FOXP2: variants seen among roughly 807,000 people sequenced by gnomAD.
The protein encoded by FOXP2 is forkhead box protein P2.
Under a neutral mutation model 115.8 loss-of-function variants are expected in FOXP2, and 12 were observed. The ratio of observed to expected loss-of-function variants is 0.10; its 90% CI spans 0.07 to 0.17. The LOEUF is 0.17. Ranked by LOEUF, FOXP2 falls within the 10% of genes least tolerant of loss-of-function variation. The pLI, the probability that FOXP2 is intolerant of heterozygous loss-of-function variation, is 1.00. For missense variants in FOXP2, 629 were observed against 843.5 expected (o/e 0.75, Z 3.15); for synonymous variants, 328 against 297.7 (o/e 1.10, Z -1.05).
Position 114,176,298 on chromosome 7 carries a change from T to TTCTTTCTTTCTTTCTTTCTCTC in FOXP2, c.-102+13213_-102+13214insTTCTTTCTTTCTTTCTCTCTCT, listed in dbSNP as rs368923204. Among the ~76,000 whole-genome samples the TTCTTTCTTTCTTTCTTTCTCTC allele has an allele frequency of 7.1e-4, 54 of 76,572 alleles. 1 individual carries two copies. Among genetic ancestry groups the TTCTTTCTTTCTTTCTTTCTCTC allele is most frequent in the African/African-American group, 2.7e-3 (50 of 18,510 alleles). 50.2% of individuals were successfully genotyped at this position (76,572 alleles called of 152,430 possible). On this transcript the variant is annotated intron_variant, in intron 1 of 17. Transcript: ENST00000634411. ...TTTCTTTCTTTCTTTCTTTCTTTCTTTCTCTCTCTCTCTCTCTCTCTCTTT... is the reference window on the plus strand; with the variant it reads ...TTTCTTTCTTTCTTTCTTTCTTTCTTTCTTTCTTTCTTTCTTTCTCTCTCTCTCTCTCTCTCTCTCTCTCTTT...
At chr7:114,156,343 C>T (rs1479026313) in intron 1 of FOXP2, among the ~76,000 whole-genome samples, 1 of 152,116 alleles carries the variant, frequency 6.6e-6, no homozygotes, top group African/African-American at 2.4e-5. Flanking sequence ...TGACTAGCTA[C>T]CCACTGTAAC....
At chr7:114,560,212 A>C (rs1800695675) in intron 3 of FOXP2, among the ~76,000 whole-genome samples, 1 of 152,174 alleles carries the variant, frequency 6.6e-6, no homozygotes, top group South Asian at 2.1e-4. Flanking sequence ...TTTAACCCCA[A>C]GTTTTATTTT....
At chr7:114,174,524 TTTC>T (rs1346740958) in intron 1 of FOXP2, among the ~76,000 whole-genome samples, 1 of 152,056 alleles carries the variant, frequency 6.6e-6, no homozygotes, top group Non-Finnish European at 1.5e-5. Flanking sequence ...AAATAGCTTT[TTTC>T]TTCTTCTTCA....
rs77827060 is a variant in FOXP2, at chr7:114,344,511, G to C, written c.-11+56402G>C. ...GTATTAGGGCACTGTGGACTATTTC[G>C]GTTAATCAGTGTTTCAAATGTAATC... On this transcript the variant is annotated intron_variant, in intron 2 of 17. Coordinates refer to the FOXP2 transcript ENST00000634411. Among the ~76,000 whole-genome samples, 1,234 of 151,804 alleles carry C rather than the reference G, an allele frequency of 8.1e-3. 13 individuals carry two copies. Among genetic ancestry groups the C allele is most frequent in the African/African-American group, 0.028 (1,173 of 41,458 alleles).
intron 3 of FOXP2, among the ~76,000 whole-genome samples, chr7:114,583,302 C>T (rs1011950456): frequency 6.6e-6 from 1 of 152,074 alleles, no homozygotes; most frequent in African/African-American, 2.4e-5. Flanking sequence ...TCCCTTTAAC[C>T]CGGAGGTGGG....
At chr7:114,582,772 TA>T (rs1446230932) in intron 3 of FOXP2, among the ~76,000 whole-genome samples, 1 of 152,168 alleles carries the variant, frequency 6.6e-6, no homozygotes, top group African/African-American at 2.4e-5. Context: ...ACAGATCATG[TA>T]ACAGGAGAGA....
chr7:114,132,959 G>C (rs1444664940), intron 1 of FOXP2, among the ~76,000 whole-genome samples: 2 of 152,172 alleles, frequency 1.3e-5, no homozygotes, highest in Non-Finnish European at 2.9e-5. Context: ...TCTGGCTGTT[G>C]TATTGAAAAT....
chr7:114,149,230 T>G (rs538120644), intron 1 of FOXP2, among the ~76,000 whole-genome samples: 22 of 152,192 alleles, frequency 1.4e-4, no homozygotes, highest in African/African-American at 4.6e-4. Context: ...CATGTAGAAC[T>G]TTTTCTCCTG....
intron 1 of FOXP2, among the ~76,000 whole-genome samples, chr7:114,152,784 C>T (rs183580882): frequency 3.9e-5 from 6 of 151,974 alleles, no homozygotes; most frequent in Non-Finnish European, 4.4e-5. Context: ...TGTCATTGAC[C>T]GTAGGGTAGT....
intron 1 of FOXP2, among the ~76,000 whole-genome samples, chr7:114,169,927 G>T (rs1021230541): frequency 6.6e-6 from 1 of 152,176 alleles, no homozygotes; most frequent in Non-Finnish European, 1.5e-5. Flanking sequence ...ATCCATGTAA[G>T]ATGTGACTTG....
chr7:114,581,075 G>GCGCA (rs150167103), intron 3 of FOXP2, among the ~76,000 whole-genome samples: 10 of 144,766 alleles, frequency 6.9e-5, no homozygotes, highest in Admixed American at 2.8e-4. Context: ...ATAAACACAT[G>GCGCA]CACACACACA....
intron 3 of FOXP2, among the ~76,000 whole-genome samples, chr7:114,573,051 T>C (rs1238443821): frequency 6.6e-6 from 1 of 151,814 alleles, no homozygotes; most frequent in Admixed American, 6.6e-5. Context: ...AGCACCAGTA[T>C]GAGTTAGTGA....
chr7:114,339,807 A>G (rs572281775), intron 2 of FOXP2, among the ~76,000 whole-genome samples: 61 of 151,346 alleles, frequency 4.0e-4, no homozygotes, highest in African/African-American at 1.4e-3. Flanking sequence ...TTTTAAAGTC[A>G]GAGTAAGATA....
intron 8 of FOXP2, among the ~76,000 whole-genome samples, chr7:114,649,349 T>A (rs1806105792): frequency 6.6e-6 from 1 of 152,104 alleles, no homozygotes; most frequent in South Asian, 2.1e-4. Context: ...TTTGCAACAT[T>A]AGTTCCAACT....
Position 114,569,269 on chromosome 7 carries a change from T to A in FOXP2, c.258+34563T>A, listed in dbSNP as rs370521028. Among the ~76,000 whole-genome samples, 38 of 152,050 alleles carry A rather than the reference T, an allele frequency of 2.5e-4. No individual in the cohort carries two copies. In the East Asian group the frequency reaches 4.1e-3, roughly 16 times the overall value. ...CTAGCTGTAAAGCAGTCAGTTTCTCTTATTATGACTAGTTCTTCAACTTGT... is the reference window on the plus strand; with the variant it reads ...CTAGCTGTAAAGCAGTCAGTTTCTCATATTATGACTAGTTCTTCAACTTGT... On this transcript the variant is annotated intron_variant, in intron 3 of 16. Coordinates refer to ENST00000350908, the MANE Select transcript of FOXP2 (RefSeq NM_014491.4).
Position 114,479,543 on chromosome 7 carries a change from A to G in FOXP2, c.168+52864A>G, listed in dbSNP as rs539657456. ...TAATTTTAGAAGAGATATTTGAGGA[A>G]AAAAAAAAAAAACTCAGCTCTGGAG... is the stretch of plus-strand genomic sequence containing the variant. On this transcript the variant is annotated intron_variant, in intron 2 of 16. Transcript: ENST00000350908. Among the ~76,000 whole-genome samples the G allele has an allele frequency of 5.2e-3, 724 of 137,982 alleles. 5 individuals carry two copies. Among genetic ancestry groups the G allele is most frequent in the African/African-American group, 0.022 (704 of 31,886 alleles). 90.5% of individuals were successfully genotyped at this position (137,982 alleles called of 152,430 possible). A position where few individuals can be genotyped will look rare whatever the true frequency, so the allele number is the denominator to read the frequency against.
chr7:114,349,751 G>A (rs530856887), intron 2 of FOXP2, among the ~76,000 whole-genome samples: 1 of 152,002 alleles, frequency 6.6e-6, no homozygotes, highest in Non-Finnish European at 1.5e-5. Context: ...TGTGAAAATA[G>A]AAGAAATAAT....
chr7:114,226,731 A>G (rs1794757247), intron 1 of FOXP2, among the ~76,000 whole-genome samples: 2 of 152,144 alleles, frequency 1.3e-5, no homozygotes, highest in African/African-American at 2.4e-5. Flanking sequence ...GGTAGTGCAA[A>G]TATCATTATT....
intron 1 of FOXP2, among the ~76,000 whole-genome samples, chr7:114,148,005 C>T (rs1048972408): frequency 2.0e-5 from 3 of 152,166 alleles, no homozygotes; most frequent in Admixed American, 6.6e-5. Context: ...AGTGGCCACA[C>T]TGTGTTATTC....
Sources: gnomAD v4.1 joint callset for allele counts (sites outside exome capture counted in the v4.1 genomes callset) on GRCh38, gnomAD v4.1.1 for gene constraint, MANE v1.5 for transcripts, NCBI Gene and HGNC (gene_info 2026-07-23, HGNC 2026-07-21) for gene names.